Variants in TRAPPC3 observed in about 807,000 individuals in gnomAD.
TRAPPC3 encodes the protein trafficking protein particle complex subunit 3.
In TRAPPC3, 5 loss-of-function variants were observed where a neutral mutation model predicts 18.2. The ratio of observed to expected loss-of-function variants is 0.28; its 90% confidence interval spans 0.14 to 0.58. TRAPPC3 has a LOEUF of 0.58. TRAPPC3 is among the 20% of genes least tolerant of loss of function. The pLI is 0.91. For synonymous variants in TRAPPC3, 65 were observed against 84.2 expected, an observed-to-expected ratio of 0.77 and a Z score of 1.25; for missense variants, 176 against 225.9, an observed-to-expected ratio of 0.78 and a Z score of 1.41.
In TRAPPC3 at chr1:36,137,174, T is replaced by C; in HGVS notation, c.*29A>G. Reference sequence around the variant, plus strand: ...GGCCTGCTGATTCCAACAGTGCTCCTGATGGCTATCCTCGAGTTGTAGGGA... The same window carrying C: ...GGCCTGCTGATTCCAACAGTGCTCCCGATGGCTATCCTCGAGTTGTAGGGA... On this transcript the variant is annotated 3_prime_UTR_variant, in exon 5 of 5. Coordinates refer to ENST00000373166, the MANE Select transcript of TRAPPC3 (RefSeq NM_014408.5). The C allele has an allele frequency of 1.3e-6, 2 of 1,595,294 alleles. No homozygotes were observed. Among genetic ancestry groups the C allele is most frequent in the Non-Finnish European group, 1.7e-6 (2 of 1,164,284 alleles).
intron 3 of TRAPPC3, 113 bp downstream of exon 3, chr1:36,139,607 C>T (rs938862821): frequency 4.2e-6 from 6 of 1,426,580 alleles, no homozygotes; most frequent in Non-Finnish European, 5.7e-6. Flanking sequence ...CAAAGAGCTG[C>T]CTAGCCAGTC....
intron 1 of TRAPPC3, among the ~76,000 whole-genome samples, chr1:36,148,932 A>G (rs2124174602): frequency 6.6e-6 from 1 of 152,302 alleles, no homozygotes; most frequent in East Asian, 1.9e-4. Flanking sequence ...CCAGGTGTAA[A>G]TATGGGCAAA....
chr1:36,150,012 G>A (rs942006278), upstream of TRAPPC3, among the ~76,000 whole-genome samples: 13 of 152,142 alleles, frequency 8.5e-5, no homozygotes, highest in Non-Finnish European at 4.4e-5. Flanking sequence ...CCCAAATGAT[G>A]CCAGCACCTG....
At chr1:36,145,263 C>T (rs561927977) in intron 1 of TRAPPC3, among the ~76,000 whole-genome samples, 224 of 152,038 alleles carry the variant, frequency 1.5e-3, no homozygotes, top group African/African-American at 4.8e-3. Context: ...TCTCCCGACC[C>T]TGTGATCCAC....
intron 1 of TRAPPC3, among the ~76,000 whole-genome samples, chr1:36,147,013 T>C (rs1226442740): frequency 6.6e-6 from 1 of 152,140 alleles, no homozygotes; most frequent in South Asian, 2.1e-4. Context: ...CTATGTGGAG[T>C]GTACTTTCAT....
intron 4 of TRAPPC3, 58 bp downstream of exon 4, chr1:36,137,738 C>A: frequency 1.3e-6 from 2 of 1,532,350 alleles, no homozygotes; most frequent in South Asian, 2.4e-5. Flanking sequence ...TTCATTTAAA[C>A]ACTTATCAAG....
At chr1:36,146,582 C>A (rs929826434) in intron 1 of TRAPPC3, among the ~76,000 whole-genome samples, 6 of 143,252 alleles carry the variant, frequency 4.2e-5, no homozygotes, top group African/African-American at 1.6e-4. Flanking sequence ...CCGCACCCAG[C>A]CTACTTCATT....
chr1:36,149,409 C>A lies in TRAPPC3; in HGVS notation c.-31G>T. ...CGGCCGCCCCGCCCCACTCGCCTAGCCACGGGTTAGCTCGGCGACCCCTGC... is the reference window on the plus strand; with the variant it reads ...CGGCCGCCCCGCCCCACTCGCCTAGACACGGGTTAGCTCGGCGACCCCTGC... On this transcript the variant is annotated 5_prime_UTR_variant, in exon 1 of 5. Transcript: ENST00000373166. The A allele has an allele frequency of 6.2e-7, 1 of 1,611,626 alleles. No individual in the cohort carries two copies.
At chr1:36,150,695 G>C (rs928215752), upstream of TRAPPC3, among the ~76,000 whole-genome samples, 4 of 152,176 alleles carry the variant, frequency 2.6e-5, no homozygotes, top group Non-Finnish European at 5.9e-5. Context: ...CAGACATTCT[G>C]TTTCCTCCCT....
intron 1 of TRAPPC3, among the ~76,000 whole-genome samples, chr1:36,147,998 A>G (rs977215340): frequency 8.5e-5 from 13 of 152,252 alleles, no homozygotes; most frequent in Admixed American, 2.0e-4. Flanking sequence ...GAAAAGGAGA[A>G]AGAAACATTT....
chr1:36,149,749 C>T (rs1238051116), upstream of TRAPPC3, among the ~76,000 whole-genome samples: 1 of 152,206 alleles, frequency 6.6e-6, no homozygotes, highest in Non-Finnish European at 1.5e-5. Flanking sequence ...CACGCTTCCT[C>T]CTTGTCCCCC....
intron 4 of TRAPPC3, 73 bp downstream of exon 4, chr1:36,137,723 T>G: frequency 6.8e-7 from 1 of 1,478,378 alleles, no homozygotes; most frequent in Non-Finnish European, 9.2e-7. Context: ...CTTTTCTCTC[T>G]TTCATTCATT....
At chr1:36,152,065 C>T (rs777734584), upstream of TRAPPC3, among the ~76,000 whole-genome samples, 34 of 152,132 alleles carry the variant, frequency 2.2e-4, no homozygotes, top group Non-Finnish European at 2.6e-4. Context: ...CTATTCTCTC[C>T]TCTGCCCCCA....
At chr1:36,154,684 T>C (rs937911913) in intron 1 of TRAPPC3, among the ~76,000 whole-genome samples, 7 of 152,248 alleles carry the variant, frequency 4.6e-5, no homozygotes, top group African/African-American at 1.7e-4. Context: ...GAGCACTTCC[T>C]AGATGCCAGG....
intron 2 of TRAPPC3, 90 bp downstream of exon 2, chr1:36,139,979 G>C: frequency 6.8e-7 from 1 of 1,461,402 alleles, no homozygotes; most frequent in Admixed American, 2.3e-5. Context: ...AAGAAAGAGA[G>C]AGAACCCTGT....
intron 1 of TRAPPC3, among the ~76,000 whole-genome samples, chr1:36,141,745 G>A (rs1644110787): frequency 1.3e-5 from 2 of 151,886 alleles, no homozygotes; most frequent in Non-Finnish European, 2.9e-5. Flanking sequence ...GGATCACAAG[G>A]TCAAGAGATT....
At chr1:36,150,019 C>T (rs1428566862), upstream of TRAPPC3, among the ~76,000 whole-genome samples, 1 of 152,194 alleles carries the variant, frequency 6.6e-6, no homozygotes, top group Non-Finnish European at 1.5e-5. Flanking sequence ...GATGCCAGCA[C>T]CTGCCTTCTA....
At chr1:36,152,346 C>G (rs1239762146), upstream of TRAPPC3, among the ~76,000 whole-genome samples, 1 of 144,896 alleles carries the variant, frequency 6.9e-6, no homozygotes, top group Non-Finnish European at 1.5e-5. Flanking sequence ...CTTGCTCCGT[C>G]GCCCAGGCTG....
intron 1 of TRAPPC3, chr1:36,155,833 C>G (rs1473260485): frequency 1.3e-5 from 2 of 152,334 alleles, no homozygotes; most frequent in African/African-American, 4.8e-5. Flanking sequence ...AGCCCTGCTC[C>G]CCCTCTCCCC....
Sources: gnomAD v4.1 joint callset for allele counts (sites outside exome capture counted in the v4.1 genomes callset) on GRCh38, gnomAD v4.1.1 for gene constraint, MANE v1.5 for transcripts, NCBI Gene and HGNC (gene_info 2026-07-23, HGNC 2026-07-21) for gene names.